Variants in SPAG6 observed in about 807,000 individuals in gnomAD.
SPAG6 encodes sperm-associated antigen 6.
SPAG6 carries 49 observed loss-of-function variants against 58.5 expected under a neutral mutation model. The ratio of observed to expected loss-of-function variants is 0.84; its 90% CI spans 0.67 to 1.06. The LOEUF (loss-of-function observed/expected upper bound fraction) is 1.06, where lower values mean the gene tolerates loss of function less well. Ranked by LOEUF, SPAG6 falls within the 50% of genes least tolerant of loss-of-function variation. SPAG6 has a pLI of 0.00. For missense variants in SPAG6, 560 were observed against 611.3 expected (o/e 0.92, Z 0.89); for synonymous variants, 233 against 225.6 (o/e 1.03, Z -0.29).
intron 8 of SPAG6, among the ~76,000 whole-genome samples, chr10:22,399,335 C>T (rs930404320): frequency 6.6e-6 from 1 of 152,160 alleles, no homozygotes; most frequent in Non-Finnish European, 1.5e-5. Flanking sequence ...CCACCAGCTC[C>T]AGACAACTAT....
At position 22,394,481 on chromosome 10, in the gene SPAG6, A is replaced by G. The variant is rs148778779; in HGVS notation, c.1197+2561A>G. On this transcript the variant is annotated intron_variant, in intron 8 of 10. Transcript: ENST00000376624. ...TTTATTGAGCTATAGTTCACATGCC[A>G]TACCTTTATCCATTTAAAGTGTACC... 9.5e-3 allele frequency among the ~76,000 whole-genome samples: 1,454 copies of G among 152,296 alleles called. 24 individuals are homozygous for G. The highest frequency in any genetic ancestry group is 0.034 in the African/African-American group (1,396 of 41,572).
chr10:22,401,149 T>G lies in SPAG6; in HGVS notation c.1198-12T>G. The G allele has an allele frequency of 7.9e-7, 1 of 1,270,728 alleles. No individual in the cohort carries two copies. Among genetic ancestry groups the G allele is most frequent in the Non-Finnish European group, 1.2e-6 (1 of 868,194 alleles). The allele number at this position is 1,270,728 out of a possible 1,614,324, so 78.7% of individuals were successfully genotyped here. A position where few individuals can be genotyped will look rare whatever the true frequency, so the allele number is the denominator to read the frequency against. On this transcript the variant is annotated splice_polypyrimidine_tract_variant and intron_variant, in intron 8 of 10. Coordinates refer to ENST00000376624, the MANE Select transcript of SPAG6 (RefSeq NM_012443.4). ...TACTTACTTATGTATACATTCTGCT[T>G]TGTATTTCTAGAGTAAAAAAGCCAT...
At chr10:22,407,309 A>G (rs1014711979) in intron 9 of SPAG6, among the ~76,000 whole-genome samples, 19 of 151,808 alleles carry the variant, frequency 1.3e-4, no homozygotes, top group African/African-American at 2.9e-4. Flanking sequence ...CGCTTCCTTC[A>G]GGAGCTCTTT....
At chr10:22,412,293 C>T (rs962146543) in intron 10 of SPAG6, among the ~76,000 whole-genome samples, 1 of 152,198 alleles carries the variant, frequency 6.6e-6, no homozygotes, top group African/African-American at 2.4e-5. Flanking sequence ...AACTTACATG[C>T]TGTAACATAT....
intron 9 of SPAG6, among the ~76,000 whole-genome samples, chr10:22,409,917 G>A (rs935895255): frequency 2.6e-5 from 4 of 151,912 alleles, no homozygotes; most frequent in South Asian, 2.1e-4. Context: ...CTATCCTACC[G>A]TGGTCTACTG....
At chr10:22,363,858 G>A (rs1023750915) in intron 2 of SPAG6, among the ~76,000 whole-genome samples, 2 of 152,156 alleles carry the variant, frequency 1.3e-5, no homozygotes, top group South Asian at 4.1e-4. Flanking sequence ...GAGTAGACTG[G>A]TGTAAATTAA....
intron 9 of SPAG6, among the ~76,000 whole-genome samples, chr10:22,410,574 G>T (rs1488330881): frequency 2.0e-5 from 3 of 151,300 alleles, no homozygotes; most frequent in African/African-American, 7.3e-5. Flanking sequence ...GCCATTTTAG[G>T]AAGAGGTAGC....
chr10:22,380,923 A>G (rs1833938829), intron 4 of SPAG6, among the ~76,000 whole-genome samples: 1 of 151,752 alleles, frequency 6.6e-6, no homozygotes. Context: ...TTCTTTTTGG[A>G]GAACCTCTTC....
chr10:22,347,620 C>T (rs1198870031), intron 2 of SPAG6, among the ~76,000 whole-genome samples: 1 of 152,080 alleles, frequency 6.6e-6, no homozygotes, highest in Non-Finnish European at 1.5e-5. Flanking sequence ...TTTTAAGATA[C>T]GGAGTATCAT....
intron 4 of SPAG6, among the ~76,000 whole-genome samples, chr10:22,380,840 A>G (rs971619411): frequency 1.3e-5 from 2 of 152,212 alleles, no homozygotes; most frequent in African/African-American, 4.8e-5. Flanking sequence ...TTAAAAAGCA[A>G]TAAAGTTTAA....
intron 4 of SPAG6, 59 bp downstream of exon 4, chr10:22,368,737 T>G: frequency 7.4e-7 from 1 of 1,360,306 alleles, no homozygotes; most frequent in South Asian, 1.3e-5. Flanking sequence ...TCAGATTTAT[T>G]AGGTAAATCC....
In SPAG6 at chr10:22,375,898, T is replaced by G. The variant is rs571217787; in HGVS notation, c.472+7220T>G. On this transcript the variant is annotated intron_variant, in intron 4 of 10. Coordinates refer to ENST00000376624, the MANE Select transcript of SPAG6 (RefSeq NM_012443.4). ...GGCCACCTCAAAGGATTTTTGAAGA[T>G]AGGACCTCTAGCGTTTTTGGTGTCA... Among the ~76,000 whole-genome samples, 31 of 152,206 alleles carry G rather than the reference T, an allele frequency of 2.0e-4. No homozygotes were observed. In the South Asian group the frequency reaches 5.8e-3, roughly 28 times the overall value.
At chr10:22,350,966 C>A (rs1836711283) in intron 2 of SPAG6, among the ~76,000 whole-genome samples, 1 of 152,212 alleles carries the variant, frequency 6.6e-6, no homozygotes. Context: ...CAAACTGGAA[C>A]TAGAACTCAT....
intron 9 of SPAG6, among the ~76,000 whole-genome samples, chr10:22,403,526 G>A (rs1312608347): frequency 6.6e-6 from 1 of 152,040 alleles, no homozygotes; most frequent in Non-Finnish European, 1.5e-5. Context: ...TCTTAATCCA[G>A]TGTATCACTG....
chr10:22,395,293 ACT>A (rs1834269349), intron 8 of SPAG6, among the ~76,000 whole-genome samples: 1 of 152,004 alleles, frequency 6.6e-6, no homozygotes, highest in African/African-American at 2.4e-5. Flanking sequence ...TCAATAGATA[ACT>A]CTGTTTAACA....
At chr10:22,368,459 A>G (rs374403735) in intron 3 of SPAG6, 36 bp from the exon 4 acceptor site, 2 of 1,585,810 alleles carry the variant, frequency 1.3e-6, no homozygotes, top group African/African-American at 2.7e-5. Context: ...CTAAGTACTC[A>G]ATTCATTTTG....
chr10:22,373,500 A>G (rs909671339), intron 4 of SPAG6, among the ~76,000 whole-genome samples: 9 of 152,242 alleles, frequency 5.9e-5, no homozygotes, highest in African/African-American at 2.2e-4. Context: ...TAGTCTTAGC[A>G]ATTTTCAAAG....
At chr10:22,412,597 T>A in intron 10 of SPAG6, 1 of 740,154 alleles carries the variant, frequency 1.4e-6, no homozygotes, top group Non-Finnish European at 2.1e-6. Context: ...TTAGTCTACA[T>A]ATAACACTCT....
In SPAG6 at chr10:22,411,067, G is replaced by A. The variant is rs769549715; in HGVS notation, c.1351G>A (p.Val451Ile). The change falls in exon 10 of 11, where the codon GTA (valine) becomes ATA (isoleucine). Residue 451 changes from valine (V) to isoleucine (I), a missense_variant. Val to Ile is a conservative substitution (Grantham distance 29, BLOSUM62 3). Transcript: ENST00000376624. Reference sequence around the variant, plus strand: ...TGATAGCAAAGCTCGACGACTTTTTGTAACAAGTGGTGGCCTTAAAAAAGT... The same window carrying A: ...TGATAGCAAAGCTCGACGACTTTTTATAACAAGTGGTGGCCTTAAAAAAGT... ...PHDSKARRLF[V>I]TSGGLKKVQE... 3 of 1,613,878 alleles carry A rather than the reference G, an allele frequency of 1.9e-6. No homozygotes were observed. The highest frequency in any genetic ancestry group is 2.5e-6 in the Non-Finnish European group (3 of 1,179,962).
Sources: gnomAD v4.1 joint callset for allele counts (sites outside exome capture counted in the v4.1 genomes callset) on GRCh38, gnomAD v4.1.1 for gene constraint, MANE v1.5 for transcripts, NCBI Gene and HGNC (gene_info 2026-07-23, HGNC 2026-07-21) for gene names.